The following GATAD2A variants were observed in gnomAD, a reference collection of about 807,000 sequenced individuals.
The protein encoded by GATAD2A is GATA zinc finger domain containing 2A.
Under a neutral mutation model 68.5 loss-of-function variants are expected in GATAD2A, and 12 were observed. The ratio of observed to expected loss-of-function variants is 0.18; its 90% CI spans 0.11 to 0.28. The LOEUF is 0.28. Ranked by LOEUF, GATAD2A falls within the 10% of genes least tolerant of loss-of-function variation. GATAD2A has a pLI of 1.00. For missense variants in GATAD2A, 755 were observed against 868.5 expected, an observed-to-expected ratio of 0.87 and a Z score of 1.64; for synonymous variants, 410 against 375.3, an observed-to-expected ratio of 1.09 and a Z score of -1.07.
intron 2 of GATAD2A, among the ~76,000 whole-genome samples, chr19:19,476,283 G>A (rs947970649): frequency 3.3e-5 from 5 of 152,208 alleles, no homozygotes; most frequent in Non-Finnish European, 4.4e-5. Flanking sequence ...AGATTAAGCA[G>A]ACCTCTTCCT....
chr19:19,451,425 A>G (rs907568385), intron 1 of GATAD2A, among the ~76,000 whole-genome samples: 5 of 152,158 alleles, frequency 3.3e-5, no homozygotes, highest in Admixed American at 3.3e-4. Flanking sequence ...CGTGCTGCAG[A>G]AGTTTCCTTC....
chr19:19,496,763 T>G (rs971550168), intron 7 of GATAD2A, among the ~76,000 whole-genome samples: 1 of 151,990 alleles, frequency 6.6e-6, no homozygotes, highest in Non-Finnish European at 1.5e-5. Context: ...CCACTGGAAG[T>G]AGGATGGGAA....
At chr19:19,481,669 G>A (rs2059072418) in intron 2 of GATAD2A, among the ~76,000 whole-genome samples, 1 of 152,128 alleles carries the variant, frequency 6.6e-6, no homozygotes, top group African/African-American at 2.4e-5. Context: ...TGTGATTTGG[G>A]TAAGTTATCA....
intron 1 of GATAD2A, among the ~76,000 whole-genome samples, chr19:19,387,993 C>T (rs1469076879): frequency 6.6e-6 from 1 of 152,024 alleles, no homozygotes; most frequent in Non-Finnish European, 1.5e-5. Context: ...AGAGGCTTTC[C>T]TCTTGATTTT....
intron 1 of GATAD2A, among the ~76,000 whole-genome samples, chr19:19,460,859 A>G (rs977638404): frequency 6.6e-6 from 1 of 152,124 alleles, no homozygotes; most frequent in Non-Finnish European, 1.5e-5. Flanking sequence ...GGCCTGGGCC[A>G]GTGCTTCCCC....
At chr19:19,407,546 C>T (rs1451688870) in intron 1 of GATAD2A, among the ~76,000 whole-genome samples, 3 of 152,194 alleles carry the variant, frequency 2.0e-5, no homozygotes, top group Non-Finnish European at 4.4e-5. Flanking sequence ...TGCTCTAGAG[C>T]CCACAAATGC....
At chr19:19,494,209 G>A (rs1009139160) in intron 4 of GATAD2A, 85 bp from the exon 5 acceptor site, 13 of 694,626 alleles carry the variant, frequency 1.9e-5, no homozygotes, top group Admixed American at 9.5e-5. Flanking sequence ...AGTCCTCTTC[G>A]GCAGCATTAA....
In GATAD2A at chr19:19,506,106, C is replaced by A. The variant is rs1003244553; in HGVS notation, c.*632C>A. On this transcript the variant is annotated 3_prime_UTR_variant, in exon 12 of 12. Transcript: ENST00000683918. The stretch of plus-strand genomic sequence containing the variant: ...GGGTGGGCGGCTCATGGTGCCACAG[C>A]CCCTGGCAGGGACGGCCGGCCCGCC... 7.5e-6 allele frequency: 3 copies of A among 398,950 alleles called. No homozygotes were observed. Among genetic ancestry groups the A allele is most frequent in the African/African-American group, 4.1e-5 (2 of 48,618 alleles). 24.7% of individuals were successfully genotyped at this position (398,950 alleles called of 1,614,324 possible). A position where few individuals can be genotyped will look rare whatever the true frequency, so the allele number is the denominator to read the frequency against.
intron 2 of GATAD2A, among the ~76,000 whole-genome samples, chr19:19,476,622 G>A (rs1223681595): frequency 1.3e-5 from 2 of 152,354 alleles, no homozygotes; most frequent in Non-Finnish European, 2.9e-5. Context: ...TCCTTAGGCC[G>A]AGAGCCAGTC....
chr19:19,392,396 T>TG (rs2048909534), intron 1 of GATAD2A, among the ~76,000 whole-genome samples: 3 of 99,970 alleles, frequency 3.0e-5, no homozygotes, highest in Admixed American at 9.3e-5. Flanking sequence ...GTGTGTGTGT[T>TG]TTTTTTTTTT....
intron 1 of GATAD2A, among the ~76,000 whole-genome samples, chr19:19,408,795 G>A (rs1406163009): frequency 6.6e-6 from 1 of 152,112 alleles, no homozygotes; most frequent in African/African-American, 2.4e-5. Context: ...AACTTACAGG[G>A]ATCAAGGAGA....
At chr19:19,407,746 A>G (rs935132429) in intron 1 of GATAD2A, among the ~76,000 whole-genome samples, 1 of 152,228 alleles carries the variant, frequency 6.6e-6, no homozygotes, top group Non-Finnish European at 1.5e-5. Context: ...ACTGAACTAC[A>G]GAGTTAGTTG....
rs747239440 is a variant in GATAD2A at position 19,465,368 on chromosome 19, C to T, written c.23C>T (p.Thr8Ile). 2 of 1,613,954 alleles carry T rather than the reference C, an allele frequency of 1.2e-6. No homozygotes were observed. Among genetic ancestry groups the T allele is most frequent in the South Asian group, 1.1e-5 (1 of 91,088 alleles). MTEEACR[T>I]RSQKRALERD... is the part of the protein sequence containing the mutation. ...AGAATGACCGAAGAAGCATGCCGAA[C>T]ACGGAGTCAGAAACGAGCGCTTGAA... Residue 8 changes from threonine (T) to isoleucine (I), a missense_variant, in exon 2 of 12, where the codon ACA becomes ATA. By Grantham distance (89) the Thr-to-Ile change is moderately conservative. Coordinates refer to ENST00000683918, the MANE Select transcript of GATAD2A (RefSeq NM_001384528.1).
At chr19:19,425,067 A>G (rs1049037549) in intron 1 of GATAD2A, among the ~76,000 whole-genome samples, 1 of 151,388 alleles carries the variant, frequency 6.6e-6, no homozygotes, top group African/African-American at 2.4e-5. Flanking sequence ...GCAACAATAA[A>G]AAAAAAAAAA....
intron 1 of GATAD2A, among the ~76,000 whole-genome samples, chr19:19,392,849 A>C (rs780986362): frequency 3.3e-5 from 5 of 151,736 alleles, no homozygotes; most frequent in Admixed American, 6.6e-5. Context: ...AGTGTGCACC[A>C]CTGCGCTCAG....
intron 1 of GATAD2A, among the ~76,000 whole-genome samples, chr19:19,431,830 T>C (rs1347034788): frequency 6.6e-6 from 1 of 151,968 alleles, no homozygotes; most frequent in Non-Finnish European, 1.5e-5. Context: ...AGAAAGTTCA[T>C]CGGCAACACA....
intron 2 of GATAD2A, 130 bp from the exon 3 acceptor site, chr19:19,492,176 G>C: frequency 1.1e-6 from 1 of 938,946 alleles, no homozygotes; most frequent in Admixed American, 2.4e-5. Flanking sequence ...GGCAGGGCAG[G>C]GGATGTGGAG....
intron 1 of GATAD2A, chr19:19,428,121 CTT>C (rs372710458): frequency 1.3e-5 from 2 of 152,188 alleles, no homozygotes; most frequent in Admixed American, 1.3e-4. Context: ...GTCATTTCCT[CTT>C]TTGTTCTTGT....
At chr19:19,498,986 G>A (rs955975260) in intron 8 of GATAD2A, among the ~76,000 whole-genome samples, 5 of 152,200 alleles carry the variant, frequency 3.3e-5, no homozygotes, top group African/African-American at 1.2e-4. Context: ...GCGTGTGGTG[G>A]GGTAGACGTG....
Sources: allele counts gnomAD v4.1 joint callset (sites outside exome capture counted in the v4.1 genomes callset), GRCh38; gene constraint gnomAD v4.1.1; transcripts MANE v1.5; gene names NCBI Gene and HGNC (gene_info 2026-07-23, HGNC 2026-07-21).